The following STYK1 variants were observed in gnomAD, a reference collection of about 807,000 sequenced individuals.
STYK1 encodes the protein STY kinase 1, also known as tyrosine-protein kinase STYK1.
Under a neutral mutation model 48.1 loss-of-function variants are expected in STYK1, and 46 were observed. The observed-to-expected ratio is 0.96, with a 90% CI of 0.75 to 1.22. STYK1 has a LOEUF of 1.22. STYK1 is among the 50% of genes most tolerant of loss of function. STYK1 has a pLI of 0.00. For synonymous variants in STYK1, 188 were observed against 189.0 expected, an observed-to-expected ratio of 0.99 and a Z score of 0.04; for missense variants, 527 against 521.1, an observed-to-expected ratio of 1.01 and a Z score of -0.11.
chr12:10,642,325 A>G (rs1484378924), intron 1 of STYK1, among the ~76,000 whole-genome samples: 1 of 152,228 alleles, frequency 6.6e-6, no homozygotes, highest in African/African-American at 2.4e-5. Context: ...CCTATCATTC[A>G]TGATGACTTT....
chr12:10,629,172 C>A (rs1947392335), intron 6 of STYK1, among the ~76,000 whole-genome samples: 1 of 152,164 alleles, frequency 6.6e-6, no homozygotes, highest in South Asian at 2.1e-4. Context: ...ACTGTCCACT[C>A]TCTGCTCATT....
intron 1 of STYK1, among the ~76,000 whole-genome samples, chr12:10,660,598 G>T (rs1274615639): frequency 3.1e-5 from 1 of 32,614 alleles, no homozygotes; most frequent in Non-Finnish European, 7.7e-5. Flanking sequence ...GAGATGGGAG[G>T]TCAGCCCAAG....
At chr12:10,629,884 T>C (rs1947403596) in intron 5 of STYK1, among the ~76,000 whole-genome samples, 1 of 152,214 alleles carries the variant, frequency 6.6e-6, no homozygotes, top group Non-Finnish European at 1.5e-5. Flanking sequence ...ATCATAATTA[T>C]TAGAACTGGA....
intron 4 of STYK1, among the ~76,000 whole-genome samples, chr12:10,632,000 AG>A (rs964778030): frequency 6.6e-6 from 1 of 152,164 alleles, no homozygotes; most frequent in Non-Finnish European, 1.5e-5. Flanking sequence ...TTCTACTGGT[AG>A]GGGAGAGGAA....
chr12:10,631,692 A>G (rs1947431220), intron 4 of STYK1, among the ~76,000 whole-genome samples: 1 of 152,206 alleles, frequency 6.6e-6, no homozygotes, highest in African/African-American at 2.4e-5. Context: ...TGTCATTTAA[A>G]TCAGACAAAT....
In STYK1 at chr12:10,634,705, T is replaced by C; in HGVS notation, c.-68-19A>G. 1 of 1,469,864 alleles carries C rather than the reference T, an allele frequency of 6.8e-7. No homozygotes were observed. The highest frequency in any genetic ancestry group is 9.4e-7 in the Non-Finnish European group (1 of 1,068,484). The allele number at this position is 1,469,864 out of a possible 1,614,324, so 91.1% of individuals were successfully genotyped here. A position where few individuals can be genotyped will look rare whatever the true frequency, so the allele number is the denominator to read the frequency against. ...GTAATTCCTAAGGATTGAGTGGTTT[T>C]TGAAAAAAATAAAATGAATGAAAAA... is the stretch of plus-strand genomic sequence containing the variant. On this transcript the variant is annotated intron_variant, in intron 2 of 10. Coordinates refer to ENST00000075503, the MANE Select transcript of STYK1 (RefSeq NM_018423.3).
At chr12:10,642,654 C>T (rs927664188) in intron 1 of STYK1, among the ~76,000 whole-genome samples, 17 of 152,050 alleles carry the variant, frequency 1.1e-4, no homozygotes, top group Non-Finnish European at 2.2e-4. Context: ...ACTCTATGCA[C>T]AGAGAGGGAG....
At position 10,619,934 on chromosome 12, in the gene STYK1, C is replaced by T; in HGVS notation, c.*210G>A. The stretch of plus-strand genomic sequence containing the variant: ...CCCAGGATTTCTAGGACTGGGACAG[C>T]AGAAGTGAGACTGACAGTATGTCTT... On this transcript the variant is annotated 3_prime_UTR_variant, in exon 11 of 11. Transcript: ENST00000075503. 1 of 621,702 alleles carries T rather than the reference C, an allele frequency of 1.6e-6. No individual in the cohort carries two copies. The highest frequency in any genetic ancestry group is 2.9e-5 in the Admixed American group (1 of 34,312). The allele number at this position is 621,702 out of a possible 1,614,324, so 38.5% of individuals were successfully genotyped here.
At chr12:10,655,461 A>G (rs1226612161) in intron 1 of STYK1, among the ~76,000 whole-genome samples, 1 of 152,234 alleles carries the variant, frequency 6.6e-6, no homozygotes, top group Non-Finnish European at 1.5e-5. Context: ...GTAGCTTAGT[A>G]GCTAAGGCTT....
At chr12:10,645,899 A>C (rs529825875) in intron 1 of STYK1, among the ~76,000 whole-genome samples, 1 of 152,290 alleles carries the variant, frequency 6.6e-6, no homozygotes, top group African/African-American at 2.4e-5. Flanking sequence ...TGGCTTTATA[A>C]GGGGGAGTTT....
intron 4 of STYK1, 87 bp from the exon 5 acceptor site, chr12:10,631,395 C>A (rs561058552): frequency 6.6e-7 from 1 of 1,524,916 alleles, no homozygotes; most frequent in South Asian, 1.3e-5. Flanking sequence ...CAAGGAGGTT[C>A]CTTCAGCAGT....
chr12:10,663,336 G>A (rs1274783534), intron 1 of STYK1, among the ~76,000 whole-genome samples: 4 of 152,106 alleles, frequency 2.6e-5, no homozygotes, highest in African/African-American at 9.7e-5. Context: ...AAAACTTACA[G>A]GCGCGGTGGC....
intron 1 of STYK1, among the ~76,000 whole-genome samples, chr12:10,642,186 C>T (rs1179993060): frequency 6.6e-6 from 1 of 152,164 alleles, no homozygotes; most frequent in Non-Finnish European, 1.5e-5. Context: ...TCCTTTCATC[C>T]ACATCTTCCT....
At chr12:10,625,183 G>A (rs569841337) in intron 7 of STYK1, among the ~76,000 whole-genome samples, 1 of 151,636 alleles carries the variant, frequency 6.6e-6, no homozygotes, top group Admixed American at 6.6e-5. Context: ...GGAAAAGGGA[G>A]TAGATTCCAA....
chr12:10,664,746 G>A (rs57881868), intron 1 of STYK1, among the ~76,000 whole-genome samples: 1 of 152,246 alleles, frequency 6.6e-6, no homozygotes, highest in East Asian at 1.9e-4. Context: ...CCCCAAAAAA[G>A]CAGACTTAGA....
chr12:10,637,360 C>T (rs112308215), intron 1 of STYK1, among the ~76,000 whole-genome samples, 164 bp from the exon 2 acceptor site: 1,694 of 133,280 alleles, frequency 0.013, 42 homozygotes, highest in African/African-American at 0.046. Flanking sequence ...TTTTTTGAGA[C>T]GGGGTCTCAC....
At chr12:10,644,440 T>A (rs923328293) in intron 1 of STYK1, among the ~76,000 whole-genome samples, 3 of 152,228 alleles carry the variant, frequency 2.0e-5, no homozygotes, top group Admixed American at 2.0e-4. Flanking sequence ...GATGTTCCCA[T>A]TGGGAAAATT....
intron 3 of STYK1, 60 bp from the exon 4 acceptor site, chr12:10,634,184 C>T: frequency 6.4e-7 from 1 of 1,568,092 alleles, no homozygotes; most frequent in Non-Finnish European, 8.6e-7. Flanking sequence ...GGTGTTCATG[C>T]AATTTCCCCT....
At position 10,621,933 on chromosome 12, in the gene STYK1, A is replaced by G. The variant is rs1295151216; in HGVS notation, c.1007T>C (p.Leu336Pro). The G allele has an allele frequency of 1.2e-6, 2 of 1,613,920 alleles. No homozygotes were observed. Among genetic ancestry groups the G allele is most frequent in the East Asian group, 2.2e-5 (1 of 44,870 alleles). ...GATTTTCCTTCTTTGGAGATGCTCTAGGATGCTGGTAGGAGGGACTTCAGG... is the reference window on the plus strand; with the variant it reads ...GATTTTCCTTCTTTGGAGATGCTCTGGGATGCTGGTAGGAGGGACTTCAGG... Reference protein sequence around the residue: ...PYPEVPPTSILEHLQRRKIMK... With the variant: ...PYPEVPPTSIPEHLQRRKIMK... Residue 336 changes from leucine (L) to proline (P), a missense_variant, in exon 10 of 11, where the codon CTA becomes CCA. By Grantham distance (98) the Leu-to-Pro change is moderately conservative. Coordinates refer to ENST00000075503, the MANE Select transcript of STYK1 (RefSeq NM_018423.3).
Sources: allele counts gnomAD v4.1 joint callset (sites outside exome capture counted in the v4.1 genomes callset), GRCh38; gene constraint gnomAD v4.1.1; transcripts MANE v1.5; gene names NCBI Gene and HGNC (gene_info 2026-07-23, HGNC 2026-07-21).